RIOK2: variants seen among roughly 807,000 people sequenced by gnomAD.
The protein encoded by RIOK2 is RIO kinase 2, also known as serine/threonine-protein kinase RIO2.
A neutral mutation model predicts 62.4 loss-of-function variants in RIOK2; 46 were observed. The ratio of observed to expected loss-of-function variants is 0.74; its 90% CI spans 0.58 to 0.94. The LOEUF (loss-of-function observed/expected upper bound fraction) is 0.94, where lower values mean the gene tolerates loss of function less well. Among genes scored for constraint, RIOK2 ranks in the 40% least tolerant of loss-of-function variants. The pLI is 0.00. For synonymous variants in RIOK2, 197 were observed against 216.0 expected (o/e 0.91, Z 0.77); for missense variants, 574 against 658.0 (o/e 0.87, Z 1.40).
intron 3 of RIOK2, 26 bp from the exon 4 acceptor site, chr5:97,177,317 C>T: frequency 1.3e-6 from 2 of 1,570,478 alleles, no homozygotes; most frequent in Non-Finnish European, 1.7e-6. Context: ...CAAAAACAAC[C>T]ATTATTACAC....
At chr5:97,179,341 T>C (rs568189290) in intron 1 of RIOK2, 148 bp from the exon 2 acceptor site, 88 of 686,376 alleles carry the variant, frequency 1.3e-4, no homozygotes, top group Admixed American at 2.2e-4. Flanking sequence ...CTCTTGAAAA[T>C]ATTTTTAATT....
intron 7 of RIOK2, among the ~76,000 whole-genome samples, chr5:97,168,303 A>C (rs1392301098): frequency 1.3e-5 from 2 of 152,228 alleles, no homozygotes; most frequent in Non-Finnish European, 2.9e-5. Context: ...TTTCCTTCAG[A>C]TTATGTGACT....
chr5:97,171,492 G>T, intron 5 of RIOK2, 95 bp from the exon 6 acceptor site: 1 of 773,134 alleles, frequency 1.3e-6, no homozygotes, highest in Non-Finnish European at 1.9e-6. Context: ...TTATTTCCAT[G>T]CTGTGTATCC....
intron 6 of RIOK2, among the ~76,000 whole-genome samples, chr5:97,169,819 C>T (rs369077760): frequency 1.3e-5 from 2 of 152,084 alleles, no homozygotes; most frequent in African/African-American, 2.4e-5. Flanking sequence ...CTCCATAGAA[C>T]GATGCAGCCT....
At position 97,164,517 on chromosome 5, in the gene RIOK2, C is replaced by CA. The variant is rs533643724; in HGVS notation, c.1494+533dup. On this transcript the variant is annotated intron_variant, in intron 9 of 9. Transcript: ENST00000283109. Reference sequence around the variant, plus strand: ...GGATGACAAGAGCAAAACTCCATCTCAAAAAAAAAACAAAAACAAAAACAA... The same window carrying CA: ...GGATGACAAGAGCAAAACTCCATCTCAAAAAAAAAAACAAAAACAAAAACAA... Among the ~76,000 whole-genome samples the CA allele has an allele frequency of 7.9e-3, 1,114 of 141,006 alleles. 9 individuals are homozygous for CA. Among genetic ancestry groups the CA allele is most frequent in the Admixed American group, 0.011 (161 of 14,020 alleles). The allele number at this position is 141,006 out of a possible 152,430, so 92.5% of individuals were successfully genotyped here. A position where few individuals can be genotyped will look rare whatever the true frequency, so the allele number is the denominator to read the frequency against.
At chr5:97,168,877 AT>A in intron 6 of RIOK2, 25 bp from the exon 7 acceptor site, 1 of 1,416,908 alleles carries the variant, frequency 7.1e-7, no homozygotes, top group Middle Eastern at 1.8e-4. Context: ...ATCATTTATG[AT>A]ATAGTCTTTA....
chr5:97,182,786 G>T (rs987885109), intron 1 of RIOK2: 18 of 233,602 alleles, frequency 7.7e-5, no homozygotes, highest in South Asian at 6.0e-4. Context: ...CTCGGGGGGG[G>T]GGGGGGGCTT....
chr5:97,177,312 A>G lies in RIOK2; in HGVS notation c.323-21T>C, dbSNP rs751403831. On this transcript the variant is annotated intron_variant, in intron 3 of 9. Transcript: ENST00000283109. The stretch of plus-strand genomic sequence containing the variant: ...AATATCTAGAGACAAAATTTCAAAA[A>G]CAACCATTATTACACGTTTATTCCA... 1.1e-5 allele frequency: 17 copies of G among 1,593,758 alleles called. No individual in the cohort carries two copies. In the South Asian group the frequency reaches 1.9e-4, roughly 18 times the overall value.
intron 9 of RIOK2, 129 bp from the exon 10 acceptor site, chr5:97,163,354 A>C: frequency 1.4e-6 from 1 of 736,394 alleles, no homozygotes; most frequent in Non-Finnish European, 2.2e-6. Context: ...TACTATATAG[A>C]AACTGTTATA....
chr5:97,167,846 C>T lies in RIOK2; in HGVS notation c.1018G>A (p.Glu340Lys). ...EGSEFSFSDG[E>K]VAEKAEVYGS... ...TAAACCTCTGCTTTTTCTGCCACTT[C>T]TCCATCTGAAAATGAGAATTCAGAT... The change falls in exon 8 of 10, where the codon GAA becomes AAA. Residue 340 changes from glutamate (E) to lysine (K), a missense_variant. Coordinates refer to ENST00000283109, the MANE Select transcript of RIOK2 (RefSeq NM_018343.3). 8 of 1,614,116 alleles carry T rather than the reference C, an allele frequency of 5.0e-6. No homozygotes were observed. The highest frequency in any genetic ancestry group is 6.8e-6 in the Non-Finnish European group (8 of 1,180,024).
At position 97,173,174 on chromosome 5, in the gene RIOK2, C is replaced by G; in HGVS notation, c.587+1G>C. The G allele has an allele frequency of 1.3e-6, 2 of 1,592,370 alleles. No homozygotes were observed. Among genetic ancestry groups the G allele is most frequent in the Non-Finnish European group, 1.7e-6 (2 of 1,162,592 alleles). ...TGGCTTTAAGAATAATGAATACTTA[C>G]AGTGGATAACCATTTATGAGTTCCA... On this transcript the variant is annotated splice_donor_variant, in intron 5 of 9. Transcript: ENST00000283109. LOFTEE classifies it high-confidence loss of function.
chr5:97,179,272 C>G, intron 1 of RIOK2, 79 bp from the exon 2 acceptor site: 1 of 1,403,416 alleles, frequency 7.1e-7, no homozygotes, highest in African/African-American at 1.4e-5. Flanking sequence ...TTAACTTCTC[C>G]TTGAAGCTTT....
At chr5:97,181,702 C>A (rs1419960629) in intron 1 of RIOK2, among the ~76,000 whole-genome samples, 2 of 152,166 alleles carry the variant, frequency 1.3e-5, no homozygotes, top group East Asian at 1.9e-4. Flanking sequence ...CTCACCAAAA[C>A]CTTAACTTTT....
At position 97,178,377 on chromosome 5, in the gene RIOK2, C is replaced by CA. The variant is rs879754767; in HGVS notation, c.206-530_206-529insT. Among the ~76,000 whole-genome samples the CA allele has an allele frequency of 2.5e-3, 376 of 151,730 alleles. 2 individuals are homozygous for CA. Among genetic ancestry groups the CA allele is most frequent in the Non-Finnish European group, 4.5e-3 (302 of 67,838 alleles). On this transcript the variant is annotated intron_variant, in intron 2 of 9. Transcript: ENST00000283109. ...TCTTCTACAGTACCTACATGCTCTT[C>CA]TGCAGTACCTACATGCTCTTCATGC...
At position 97,179,036 on chromosome 5, in the gene RIOK2, G is replaced by A; in HGVS notation, c.205+19C>T. The A allele has an allele frequency of 1.9e-6, 3 of 1,613,428 alleles. No homozygotes were observed. Among genetic ancestry groups the A allele is most frequent in the South Asian group, 2.2e-5 (2 of 91,012 alleles). On this transcript the variant is annotated intron_variant, in intron 2 of 9. Transcript: ENST00000283109. ...ACCAATTACCTGAAAAATCACAAAT[G>A]GTGCCTCAAAATACTTACTTTTGGT...
intron 4 of RIOK2, among the ~76,000 whole-genome samples, chr5:97,176,630 C>G (rs1405462944): frequency 6.6e-6 from 1 of 152,098 alleles, no homozygotes; most frequent in African/African-American, 2.4e-5. Flanking sequence ...ACCACTGCAC[C>G]CAGCCAATTT....
chr5:97,178,200 T>G (rs575808069), intron 2 of RIOK2, among the ~76,000 whole-genome samples: 1 of 152,268 alleles, frequency 6.6e-6, no homozygotes, highest in African/African-American at 2.4e-5. Context: ...AAAGTAAGGA[T>G]CTGTGATAGG....
intron 6 of RIOK2, 73 bp from the exon 7 acceptor site, chr5:97,168,925 AC>A: frequency 1.2e-6 from 1 of 826,132 alleles, no homozygotes. Flanking sequence ...ATGACAATAT[AC>A]TTATTGGTTA....
At position 97,165,148 on chromosome 5, in the gene RIOK2, CTA is replaced by C. The variant is rs766669095; in HGVS notation, c.1398-3_1398-2del. On this transcript the variant is annotated splice_acceptor_variant and splice_polypyrimidine_tract_variant and intron_variant, in intron 8 of 9. Coordinates refer to ENST00000283109, the MANE Select transcript of RIOK2 (RefSeq NM_018343.3). LOFTEE classifies it high-confidence loss of function. ...CATAGCTCCCACATTTTCTTCATCTCTAAAATTAAAAAACCCACAATTTATCT... is the reference window on the plus strand; with the variant it reads ...CATAGCTCCCACATTTTCTTCATCTCAAATTAAAAAACCCACAATTTATCT... 10 of 1,403,032 alleles carry C rather than the reference CTA, an allele frequency of 7.1e-6. No individual in the cohort carries two copies. The highest frequency in any genetic ancestry group is 8.5e-6 in the Non-Finnish European group (9 of 1,063,648). 86.9% of individuals were successfully genotyped at this position (1,403,032 alleles called of 1,614,324 possible).
Sources: allele counts gnomAD v4.1 joint callset (sites outside exome capture counted in the v4.1 genomes callset), GRCh38; gene constraint gnomAD v4.1.1; transcripts MANE v1.5; gene names NCBI Gene and HGNC (gene_info 2026-07-23, HGNC 2026-07-21).